MACF1: variants seen among roughly 807,000 people sequenced by gnomAD.
MACF1 encodes the protein microtubule-actin cross-linking factor 1.
MACF1 carries 193 observed loss-of-function variants against 854.8 expected under a neutral mutation model. The ratio of observed to expected loss-of-function variants is 0.23; its 90% CI spans 0.20 to 0.25. The LOEUF (loss-of-function observed/expected upper bound fraction) is 0.25. MACF1 is among the 10% of genes least tolerant of loss of function. MACF1 has a pLI of 1.00. For missense variants in MACF1, 7,722 were observed against 8,929.1 expected (o/e 0.86, Z 5.45); for synonymous variants, 3,185 against 3,226.7 (o/e 0.99, Z 0.44).
intron 79 of MACF1, 142 bp from the exon 80 acceptor site, chr1:39,444,520 A>C (rs1644185206): frequency 1.7e-6 from 1 of 572,702 alleles, no homozygotes; most frequent in Non-Finnish European, 2.9e-6. Flanking sequence ...CTTATGGCTC[A>C]GCACTTGAAC....
intron 22 of MACF1, 102 bp from the exon 23 acceptor site, chr1:39,302,822 A>C: frequency 8.7e-7 from 1 of 1,146,748 alleles, no homozygotes; most frequent in Non-Finnish European, 1.2e-6. Context: ...TTTCTTAAGC[A>C]GATTTTTTTC....
intron 2 of MACF1, among the ~76,000 whole-genome samples, chr1:39,124,129 G>T (rs988619838): frequency 1.3e-4 from 20 of 148,206 alleles, no homozygotes; most frequent in Admixed American, 1.2e-3. Context: ...CAAGTGATCC[G>T]CCCACCTTGG....
chr1:39,474,467 G>A (rs1353008064), intron 97 of MACF1, among the ~76,000 whole-genome samples: 1 of 152,132 alleles, frequency 6.6e-6, no homozygotes, highest in South Asian at 2.1e-4. Flanking sequence ...AGGCTGAGCC[G>A]GGCGGATCAC....
intron 58 of MACF1, among the ~76,000 whole-genome samples, chr1:39,419,575 G>A (rs1037983636): frequency 9.9e-5 from 15 of 152,040 alleles, no homozygotes; most frequent in Non-Finnish European, 2.2e-4. Context: ...TTTGGATAAG[G>A]GATATTCAGC....
At chr1:39,284,966 T>C (rs1398661886) in intron 11 of MACF1, 117 bp from the exon 12 acceptor site, 1 of 1,341,652 alleles carries the variant, frequency 7.5e-7, no homozygotes, top group Non-Finnish European at 1.0e-6. Flanking sequence ...TGTTAGACAA[T>C]AGGAAAAACT....
chr1:39,150,238 C>T (rs1008357987), intron 2 of MACF1, among the ~76,000 whole-genome samples: 3 of 152,148 alleles, frequency 2.0e-5, no homozygotes, highest in Non-Finnish European at 2.9e-5. Flanking sequence ...AGGCTGGTCT[C>T]AAATTCCTGA....
At chr1:39,391,268 A>G (rs902710362) in intron 58 of MACF1, among the ~76,000 whole-genome samples, 3 of 152,170 alleles carry the variant, frequency 2.0e-5, no homozygotes, top group East Asian at 1.9e-4. Context: ...TGTACTGTCT[A>G]TACTATGGTG....
intron 97 of MACF1, among the ~76,000 whole-genome samples, chr1:39,470,510 G>A (rs1324000205): frequency 6.6e-6 from 1 of 152,178 alleles, no homozygotes; most frequent in African/African-American, 2.4e-5. Flanking sequence ...TAAGCATGGT[G>A]GTACACACCT....
At chr1:39,186,774 A>AT (rs202154162) in intron 2 of MACF1, among the ~76,000 whole-genome samples, 5,480 of 150,624 alleles carry the variant, frequency 0.036, 256 homozygotes, top group African/African-American at 0.11. Flanking sequence ...CGCCTGGCTA[A>AT]TTTTTTTTTC....
rs1644354401 is a variant in MACF1, at chr1:39,452,138, T to C, written c.20419-18T>C. ...AAACATTCCTTGAACAAACAAATTC[T>C]CCTATTTTCTTTTCTAGGTTTTCCA... On this transcript the variant is annotated intron_variant, in intron 85 of 100. Transcript: ENST00000564288. The C allele has an allele frequency of 1.3e-6, 2 of 1,570,100 alleles. No homozygotes were observed. The highest frequency in any genetic ancestry group is 1.7e-6 in the Non-Finnish European group (2 of 1,158,390).
At chr1:39,203,676 A>G (rs993955851), upstream of MACF1, among the ~76,000 whole-genome samples, 1 of 152,216 alleles carries the variant, frequency 6.6e-6, no homozygotes, top group Non-Finnish European at 1.5e-5. Context: ...CTAGAAAGTT[A>G]TATAAATGGA....
At position 39,336,192 on chromosome 1, in the gene MACF1, C is replaced by G. The variant is rs779964288; in HGVS notation, c.9604C>G (p.Leu3202Val). The G allele has an allele frequency of 6.2e-7, 1 of 1,614,092 alleles. No individual in the cohort carries two copies. The highest frequency in any genetic ancestry group is 1.1e-5 in the South Asian group (1 of 91,060). ...ACCAGATTCAAAAGAAGTCAGGTAT[C>G]TAGAATTCTCAGACAGAAAAGACCT... is the stretch of plus-strand genomic sequence containing the variant. ...SRPDSKEVRY[L>V]EFSDRKDLHH... Residue 3202 changes from leucine (L) to valine (V), a missense_variant, in exon 37 of 101, where the codon CTA becomes GTA. Around this residue, in one of 15 missense-constraint regions of MACF1, gnomAD observed 854 missense variants for 852.6 expected, o/e 1.00. Coordinates refer to ENST00000564288, the MANE Select transcript of MACF1 (RefSeq NM_001394062.1).
chr1:39,228,589 C>T (rs1644743833), intron 1 of MACF1, among the ~76,000 whole-genome samples: 1 of 152,164 alleles, frequency 6.6e-6, no homozygotes, highest in Non-Finnish European at 1.5e-5. Context: ...AATGAGAATC[C>T]TGGCTTTAGA....
intron 2 of MACF1, among the ~76,000 whole-genome samples, chr1:39,104,535 CTCTG>C (rs1374416204): frequency 6.6e-6 from 1 of 152,198 alleles, no homozygotes; most frequent in Non-Finnish European, 1.5e-5. Flanking sequence ...CCCTTTTGAT[CTCTG>C]TCTCTCTGTT....
chr1:39,087,197 G>A (rs1641694079), intron 2 of MACF1, among the ~76,000 whole-genome samples: 1 of 152,228 alleles, frequency 6.6e-6, no homozygotes, highest in South Asian at 2.1e-4. Flanking sequence ...AGGAAATGAA[G>A]TCAGTCTTAC....
chr1:39,468,391 C>T (rs1324753727), intron 95 of MACF1, among the ~76,000 whole-genome samples: 1 of 151,978 alleles, frequency 6.6e-6, no homozygotes, highest in Admixed American at 6.6e-5. Flanking sequence ...CTCTGTCTCA[C>T]AAAGAAAAAA....
intron 23 of MACF1, among the ~76,000 whole-genome samples, chr1:39,307,901 C>CTTTCTTTCTTTTTTTTTTTTTTTTT (rs1222230255): frequency 2.0e-5 from 1 of 50,392 alleles, no homozygotes; most frequent in African/African-American, 7.6e-5. Flanking sequence ...TTCTTTCTTT[C>CTTTCTTTCTTTTTTTTTTTTTTTTT]TTTTTTTTTT....
intron 89 of MACF1, among the ~76,000 whole-genome samples, chr1:39,456,123 G>T (rs1644433424): frequency 6.6e-6 from 1 of 152,122 alleles, no homozygotes; most frequent in Admixed American, 6.5e-5. Context: ...CACTTGAGGT[G>T]AAGAGTTTGA....
rs1180996964 is a variant in MACF1, at chr1:39,439,299, G to A, written c.18246G>A (p.Met6082Ile). ...AAATCCAGGATAAATTGGATCAAAT[G>A]GTATTCTTCTGGGAGGACATCAAAG... ...AKEIQDKLDQ[M>I]VFFWEDIKAR... Residue 6082 changes from methionine to isoleucine, a missense_variant, in exon 72 of 101, where the codon ATG becomes ATA. Coordinates refer to ENST00000564288, the MANE Select transcript of MACF1 (RefSeq NM_001394062.1). 6.2e-7 allele frequency: 1 copy of A among 1,612,544 alleles called. No homozygotes were observed. The highest frequency in any genetic ancestry group is 8.5e-7 in the Non-Finnish European group (1 of 1,178,672).
Sources: allele counts gnomAD v4.1 joint callset (sites outside exome capture counted in the v4.1 genomes callset), GRCh38; gene constraint gnomAD v4.1.1; regional missense constraint gnomAD v4.1.1; transcripts MANE v1.5; gene names NCBI Gene and HGNC (gene_info 2026-07-23, HGNC 2026-07-21).